Variants in ABCA13 observed in about 807,000 individuals in gnomAD.
ABCA13 encodes the protein ATP-binding cassette sub-family A member 13.
Under a neutral mutation model 478.7 loss-of-function variants are expected in ABCA13, and 476 were observed. The ratio of observed to expected loss-of-function variants is 0.99; its 90% CI spans 0.92 to 1.07. The LOEUF (loss-of-function observed/expected upper bound fraction) is 1.07, where lower values mean the gene tolerates loss of function less well. Ranked by LOEUF, ABCA13 falls within the 50% of genes least tolerant of loss-of-function variation. The pLI is 0.00. For synonymous variants in ABCA13, 2,252 were observed against 2,158.9 expected (o/e 1.04, Z -1.20); for missense variants, 6,060 against 5,910.6 (o/e 1.03, Z -0.83).
intron 38 of ABCA13, 150 bp downstream of exon 38, chr7:48,392,289 C>A: frequency 1.3e-6 from 1 of 761,598 alleles, no homozygotes; most frequent in Non-Finnish European, 2.1e-6. Flanking sequence ...GGAATTATGA[C>A]ACAGCCACCA....
At chr7:48,295,246 C>T (rs182661743) in intron 20 of ABCA13, among the ~76,000 whole-genome samples, 94 of 152,308 alleles carry the variant, frequency 6.2e-4, no homozygotes, top group African/African-American at 1.9e-3. Flanking sequence ...GGTAATAGCT[C>T]ATTGTGGTTG....
Position 48,278,276 on chromosome 7 carries a change from T to A in ABCA13, c.7082T>A (p.Phe2361Tyr), listed in dbSNP as rs370950320. The change falls in exon 18 of 62, where the codon TTC becomes TAC. Residue 2361 changes from phenylalanine (F) to tyrosine (Y), a missense_variant. By Grantham distance (22) the Phe-to-Tyr change is conservative (BLOSUM62 3). Around this residue, in one of 3 missense-constraint regions of ABCA13, gnomAD observed 4,423 missense variants for 4,309.1 expected, o/e 1.03. Coordinates refer to ENST00000435803, the MANE Select transcript of ABCA13 (RefSeq NM_152701.5). ...FYFDTHQGLKFMQDLFNALLR... is the reference protein window; with the variant it reads ...FYFDTHQGLKYMQDLFNALLR... ...TTTGATACTCATCAAGGACTGAAGTTCATGCAAGATTTATTTAATGCCCTT... is the reference window on the plus strand; with the variant it reads ...TTTGATACTCATCAAGGACTGAAGTACATGCAAGATTTATTTAATGCCCTT... The A allele has an allele frequency of 3.7e-6, 6 of 1,612,452 alleles. No homozygotes were observed. The highest frequency in any genetic ancestry group is 5.1e-6 in the Non-Finnish European group (6 of 1,179,034).
intron 8 of ABCA13, among the ~76,000 whole-genome samples, chr7:48,234,443 G>T (rs1027684371): frequency 6.6e-6 from 1 of 152,172 alleles, no homozygotes; most frequent in Admixed American, 6.5e-5. Flanking sequence ...GTCAAGTGAG[G>T]GTGTGAGATT....
intron 41 of ABCA13, among the ~76,000 whole-genome samples, chr7:48,426,946 C>T (rs948562080): frequency 4.0e-5 from 6 of 150,950 alleles, no homozygotes; most frequent in Admixed American, 6.6e-5. Context: ...CAGACAGAGC[C>T]GGCCCACATC....
chr7:48,317,000 A>G (rs1802684297), intron 26 of ABCA13, among the ~76,000 whole-genome samples, 157 bp from the exon 27 acceptor site: 1 of 152,176 alleles, frequency 6.6e-6, no homozygotes, highest in Non-Finnish European at 1.5e-5. Flanking sequence ...GGGAGGACAG[A>G]TATTCAAACT....
At chr7:48,299,627 C>T (rs535466186) in intron 23 of ABCA13, among the ~76,000 whole-genome samples, 33 of 152,184 alleles carry the variant, frequency 2.2e-4, no homozygotes, top group Admixed American at 1.2e-3. Flanking sequence ...AAGGAGTAAT[C>T]GGAGCAGCTA....
chr7:48,645,328 A>T (rs1382515592), intron 61 of ABCA13, 89 bp from the exon 62 acceptor site: 1 of 986,048 alleles, frequency 1.0e-6, no homozygotes, highest in African/African-American at 1.6e-5. Context: ...CAAGTTGGCC[A>T]GTGTTCTGAG....
At chr7:48,587,029 T>C in intron 56 of ABCA13, 125 bp from the exon 57 acceptor site, 1 of 1,285,522 alleles carries the variant, frequency 7.8e-7, no homozygotes. Context: ...GGAGATGTAC[T>C]TGATTGTATG....
chr7:48,442,654 A>G (rs576847543), intron 42 of ABCA13, among the ~76,000 whole-genome samples: 151 of 152,356 alleles, frequency 9.9e-4, no homozygotes, highest in African/African-American at 3.4e-3. Flanking sequence ...TGATCTCACA[A>G]CTGAATGATG....
intron 5 of ABCA13, among the ~76,000 whole-genome samples, chr7:48,225,115 G>GCCTGCCTGCCTA (rs796295495): frequency 0.051 from 5,101 of 99,572 alleles, 320 homozygotes; most frequent in East Asian, 0.12. Context: ...GTGCGTGCCT[G>GCCTGCCTGCCTA]CCTGCCTGCC....
intron 38 of ABCA13, among the ~76,000 whole-genome samples, chr7:48,397,077 G>T (rs1375165153): frequency 4.6e-5 from 7 of 152,156 alleles, no homozygotes; most frequent in Non-Finnish European, 1.0e-4. Context: ...ACCTCTATCA[G>T]ATTGATGGAT....
intron 55 of ABCA13, among the ~76,000 whole-genome samples, chr7:48,578,223 C>T (rs1387604139): frequency 6.6e-6 from 1 of 151,960 alleles, no homozygotes; most frequent in Non-Finnish European, 1.5e-5. Context: ...CTACGTAATG[C>T]AATAAGAGCA....
chr7:48,263,118 A>T (rs1470757881), intron 15 of ABCA13, among the ~76,000 whole-genome samples: 3 of 151,922 alleles, frequency 2.0e-5, no homozygotes, highest in Non-Finnish European at 4.4e-5. Flanking sequence ...TATCAACATC[A>T]TCTGGATCTT....
chr7:48,357,720 A>T (rs966929336), intron 31 of ABCA13, among the ~76,000 whole-genome samples: 3 of 151,972 alleles, frequency 2.0e-5, no homozygotes, highest in Admixed American at 6.5e-5. Context: ...TATTTCCCCC[A>T]AGATCTCACA....
At chr7:48,562,675 C>T (rs1027362905) in intron 55 of ABCA13, among the ~76,000 whole-genome samples, 1 of 151,966 alleles carries the variant, frequency 6.6e-6, no homozygotes, top group Admixed American at 6.6e-5. Flanking sequence ...AAAAAGGAAC[C>T]ACTGGGGGAC....
chr7:48,613,568 G>A (rs1239660425), intron 58 of ABCA13, among the ~76,000 whole-genome samples: 1 of 142,546 alleles, frequency 7.0e-6, no homozygotes, highest in Non-Finnish European at 1.6e-5. Flanking sequence ...TTGCTTTTCT[G>A]CTTAGAAAAT....
At chr7:48,188,027 T>C (rs1483105849) in intron 1 of ABCA13, among the ~76,000 whole-genome samples, 1 of 152,194 alleles carries the variant, frequency 6.6e-6, no homozygotes, top group East Asian at 1.9e-4. Flanking sequence ...CTCTTTTCAA[T>C]AAATCTGGGA....
At chr7:48,528,215 C>A (rs1161401035) in intron 54 of ABCA13, 21 bp from the exon 55 acceptor site, 1 of 1,535,814 alleles carries the variant, frequency 6.5e-7, no homozygotes, top group Non-Finnish European at 8.8e-7. Context: ...ATGTGCTTTA[C>A]TTAACTTTGT....
chr7:48,551,918 A>G lies in ABCA13; in HGVS notation c.14354+23573A>G, dbSNP rs141909145. ...TCTTCTGACAGTCAGCATGCAATGG[A>G]GAGGTCCAAGGCAGCCTCACTTTGA... On this transcript the variant is annotated intron_variant, in intron 55 of 61. Coordinates refer to ENST00000435803, the MANE Select transcript of ABCA13 (RefSeq NM_152701.5). 7.1e-3 allele frequency among the ~76,000 whole-genome samples: 1,080 copies of G among 151,844 alleles called. 23 individuals are homozygous for G. Among genetic ancestry groups the G allele is most frequent in the Non-Finnish European group, 0.013 (855 of 67,842 alleles).
Sources: gnomAD v4.1 joint callset for allele counts (sites outside exome capture counted in the v4.1 genomes callset) on GRCh38, gnomAD v4.1.1 for gene constraint, gnomAD v4.1.1 regional missense constraint, MANE v1.5 for transcripts, NCBI Gene and HGNC (gene_info 2026-07-23, HGNC 2026-07-21) for gene names.